The following PHLDA3 variants were observed in gnomAD, a reference collection of about 807,000 sequenced individuals.
PHLDA3 encodes the protein pleckstrin homology like domain family A member 3.
In PHLDA3, 12 loss-of-function variants were observed where a neutral mutation model predicts 7.6. That is an observed-to-expected ratio of 1.58 (90% CI 1.01 to 2.55). The LOEUF is 2.55. Ranked by LOEUF, PHLDA3 falls within the 30% of genes most tolerant of loss-of-function variation. The probability of loss-of-function intolerance (pLI) is 0.00; values close to 1 mark genes in which losing one functional copy is unlikely to be tolerated. For missense variants in PHLDA3, 177 were observed against 175.6 expected (o/e 1.01, Z -0.05); for synonymous variants, 104 against 85.1 (o/e 1.22, Z -1.23).
At chr1:201,466,959 G>T (rs1453178455) in intron 1 of PHLDA3, among the ~76,000 whole-genome samples, 1 of 152,132 alleles carries the variant, frequency 6.6e-6, no homozygotes, top group Non-Finnish European at 1.5e-5. Flanking sequence ...TGGCGCAGTT[G>T]CCTATCCTTC....
intron 1 of PHLDA3, among the ~76,000 whole-genome samples, chr1:201,467,184 T>C (rs1663683304): frequency 1.3e-5 from 2 of 151,650 alleles, no homozygotes; most frequent in African/African-American, 4.8e-5. Context: ...GGCGTGTGCC[T>C]GTAGTCCCAG....
chr1:201,467,228 G>A (rs1268881112), intron 1 of PHLDA3, among the ~76,000 whole-genome samples: 2 of 152,118 alleles, frequency 1.3e-5, no homozygotes, highest in Non-Finnish European at 2.9e-5. Context: ...GATCGCTTGA[G>A]CCCAAGAGGT....
chr1:201,466,264 T>G (rs1219654988), intron 1 of PHLDA3, 86 bp from the exon 2 acceptor site: 1 of 152,374 alleles, frequency 6.6e-6, no homozygotes, highest in Non-Finnish European at 1.5e-5. Context: ...ACACCAGCAC[T>G]TCCCAGCCTT....
Position 201,464,393 on chromosome 1 carries a change from G to A in PHLDA3, c.*1848C>T, listed in dbSNP as rs1347046095. 1 of 148,002 alleles carries A rather than the reference G, an allele frequency of 6.8e-6. No homozygotes were observed. The highest frequency in any genetic ancestry group is 2.6e-5 in the African/African-American group (1 of 38,472). 9.2% of individuals were successfully genotyped at this position (148,002 alleles called of 1,614,324 possible). ...AATTGTACAATTGGATACAGTAAGT[G>A]ACATATTTATAAAAGTTCTGTTGTA... On this transcript the variant is annotated 3_prime_UTR_variant, in exon 2 of 2. Coordinates refer to ENST00000367311, the MANE Select transcript of PHLDA3 (RefSeq NM_012396.5).
intron 1 of PHLDA3, among the ~76,000 whole-genome samples, chr1:201,467,950 C>T (rs1231715455): frequency 6.6e-6 from 1 of 152,212 alleles, no homozygotes; most frequent in African/African-American, 2.4e-5. Flanking sequence ...GCCAGAAAGC[C>T]GAAGTCCAGG....
intron 1 of PHLDA3, among the ~76,000 whole-genome samples, chr1:201,466,960 C>G (rs1663677800): frequency 6.6e-6 from 1 of 152,132 alleles, no homozygotes; most frequent in African/African-American, 2.4e-5. Flanking sequence ...GGCGCAGTTG[C>G]CTATCCTTCA....
In PHLDA3 at chr1:201,468,760, C is replaced by T. The variant is rs773272161; in HGVS notation, c.27G>A (p.Val9=). 1.3e-6 allele frequency: 2 copies of T among 1,578,856 alleles called. No homozygotes were observed. The highest frequency in any genetic ancestry group is 1.7e-6 in the Non-Finnish European group (2 of 1,169,618). ...GCTTCTCCAGCACGCCCTCCTTGAG[C>T]ACGGTAGCCGTCGCCGCCGCCGTCA... MTAAATAT[V]LKEGVLEKRS... Residue 9 remains valine (V), a synonymous_variant, in exon 1 of 2, where the codon GTG becomes GTA. Transcript: ENST00000367311.
intron 1 of PHLDA3, chr1:201,466,405 T>G (rs1663667221): frequency 1.3e-5 from 2 of 152,246 alleles, no homozygotes; most frequent in African/African-American, 4.8e-5. Context: ...TATACCCCAC[T>G]TCTCAGCTAA....
In PHLDA3 at chr1:201,468,369, G is replaced by A; in HGVS notation, c.*34C>T. On this transcript the variant is annotated 3_prime_UTR_variant, in exon 1 of 2. Coordinates refer to ENST00000367311, the MANE Select transcript of PHLDA3 (RefSeq NM_012396.5). ...CCTTGACCTCAGCACTGAGGTGGTG[G>A]GTAGCATGAAGGAAAGATGGTGCGC... is the stretch of plus-strand genomic sequence containing the variant. 6.2e-7 allele frequency: 1 copy of A among 1,612,738 alleles called. No homozygotes were observed. The highest frequency in any genetic ancestry group is 1.1e-5 in the South Asian group (1 of 90,790).
rs185903497 is a variant in PHLDA3 at position 201,465,835 on chromosome 1, C to T, written c.*406G>A. The T allele has an allele frequency of 2.2e-3, 334 of 155,092 alleles. No individual in the cohort carries two copies. The highest frequency in any genetic ancestry group is 3.4e-3 in the Non-Finnish European group (234 of 68,366). The allele number at this position is 155,092 out of a possible 1,614,324, so 9.6% of individuals were successfully genotyped here. ...GATTCCTGAGGCGTTGGCTCGGCAC[C>T]CCATGGGGGACTGCCCTCCTCCAGG... On this transcript the variant is annotated 3_prime_UTR_variant, in exon 2 of 2. Coordinates refer to ENST00000367311, the MANE Select transcript of PHLDA3 (RefSeq NM_012396.5).
intron 1 of PHLDA3, chr1:201,466,728 T>A (rs1383730853): frequency 6.6e-6 from 1 of 152,254 alleles, no homozygotes; most frequent in Non-Finnish European, 1.5e-5. Flanking sequence ...TGGGCCTTCC[T>A]GACCACAAAT....
At chr1:201,467,912 G>A (rs1349777313) in intron 1 of PHLDA3, among the ~76,000 whole-genome samples, 2 of 151,844 alleles carry the variant, frequency 1.3e-5, no homozygotes, top group Admixed American at 6.6e-5. Context: ...TCCACGATCC[G>A]CGTCCCCACC....
chr1:201,468,526 G>C lies in PHLDA3; in HGVS notation c.261C>G (p.Cys87Trp). ...TEGGGEIDFR[C>W]PLEDPGWNAQ... is the part of the protein sequence containing the mutation. The stretch of plus-strand genomic sequence containing the variant: ...CGTTCCAGCCGGGATCTTCCAGGGG[G>C]CAGCGGAAGTCGATCTCGCCGCCCC... Residue 87 changes from cysteine to tryptophan, a missense_variant, in exon 1 of 2, where the codon TGC (cysteine) becomes TGG (tryptophan). Coordinates refer to ENST00000367311, the MANE Select transcript of PHLDA3 (RefSeq NM_012396.5). 6.2e-7 allele frequency: 1 copy of C among 1,614,164 alleles called. No homozygotes were observed. The highest frequency in any genetic ancestry group is 1.1e-5 in the South Asian group (1 of 91,084).
chr1:201,466,865 T>C (rs1196550674), intron 1 of PHLDA3, among the ~76,000 whole-genome samples: 1 of 151,556 alleles, frequency 6.6e-6, no homozygotes, highest in Non-Finnish European at 1.5e-5. Context: ...AGCTTCTCCT[T>C]CCCTGGCCCA....
At position 201,469,054 on chromosome 1, in the gene PHLDA3, GC is replaced by G. The variant is rs1388086168; in HGVS notation, c.-269del. The stretch of plus-strand genomic sequence containing the variant: ...TACCCCAGCTGGCCCAGCCCGACCC[GC>G]CTCTGCCAGATGCCTCCGCGCCTCC... On this transcript the variant is annotated 5_prime_UTR_variant, in exon 1 of 2. Transcript: ENST00000367311. 2.7e-6 allele frequency: 1 copy of G among 373,296 alleles called. No individual in the cohort carries two copies. Among genetic ancestry groups the G allele is most frequent in the Non-Finnish European group, 4.7e-6 (1 of 213,180 alleles). 23.1% of individuals were successfully genotyped at this position (373,296 alleles called of 1,614,324 possible). A position where few individuals can be genotyped will look rare whatever the true frequency, so the allele number is the denominator to read the frequency against.
rs1257296061 is a variant in PHLDA3, at chr1:201,468,803, G to C, written c.-17C>G. On this transcript the variant is annotated 5_prime_UTR_variant, in exon 1 of 2. Transcript: ENST00000367311. The stretch of plus-strand genomic sequence containing the variant: ...CGCCGTCATGGGCGCCCCGAGGTTC[G>C]CGGAAAGCTCCAGGCTGCGGCGGGC... 6 of 1,531,830 alleles carry C rather than the reference G, an allele frequency of 3.9e-6. No individual in the cohort carries two copies. Among genetic ancestry groups the C allele is most frequent in the Non-Finnish European group, 5.2e-6 (6 of 1,147,028 alleles). The allele number at this position is 1,531,830 out of a possible 1,614,324, so 94.9% of individuals were successfully genotyped here.
Position 201,468,766 on chromosome 1 carries a change from A to AGCCGTC in PHLDA3, c.15_20dup (p.Ala7_Thr8dup). 3 of 1,568,868 alleles carry AGCCGTC rather than the reference A, an allele frequency of 1.9e-6. No individual in the cohort carries two copies. The highest frequency in any genetic ancestry group is 2.6e-6 in the Non-Finnish European group (3 of 1,165,106). On this transcript the variant is annotated inframe_insertion, in exon 1 of 2. Transcript: ENST00000367311. ...CCAGCACGCCCTCCTTGAGCACGGT[A>AGCCGTC]GCCGTCGCCGCCGCCGTCATGGGCG...
chr1:201,468,392 C>T lies in PHLDA3; in HGVS notation c.*11G>A, dbSNP rs773847325. 30 of 1,613,548 alleles carry T rather than the reference C, an allele frequency of 1.9e-5. No individual in the cohort carries two copies. Among genetic ancestry groups the T allele is most frequent in the Admixed American group, 5.0e-5 (3 of 59,874 alleles). ...TGGGTAGCATGAAGGAAAGATGGTG[C>T]GCCCGGTGGTTTAGGACACGAGGGT... On this transcript the variant is annotated 3_prime_UTR_variant, in exon 1 of 2. Transcript: ENST00000367311.
chr1:201,467,756 A>AGGCCCCACCTTCCACTGT (rs1171262987), intron 1 of PHLDA3, among the ~76,000 whole-genome samples: 16 of 152,018 alleles, frequency 1.1e-4, no homozygotes, highest in Admixed American at 2.6e-4. Context: ...CCTTCCACTG[A>AGGCCCCACCTTCCACTGT]GGCCCCACCT....
Sources: allele counts gnomAD v4.1 joint callset (sites outside exome capture counted in the v4.1 genomes callset), GRCh38; gene constraint gnomAD v4.1.1; transcripts MANE v1.5; gene names NCBI Gene and HGNC (gene_info 2026-07-23, HGNC 2026-07-21).